Variants in CEP164 observed in about 807,000 individuals in gnomAD.
The protein encoded by CEP164 is centrosomal protein of 164 kDa.
Under a neutral mutation model 182.7 loss-of-function variants are expected in CEP164, and 162 were observed. The ratio of observed to expected loss-of-function variants is 0.89; its 90% CI spans 0.78 to 1.01. The LOEUF (loss-of-function observed/expected upper bound fraction) is 1.01. Among genes scored for constraint, CEP164 ranks in the 50% least tolerant of loss-of-function variants. CEP164 has a pLI of 0.00. For synonymous variants in CEP164, 661 were observed against 690.0 expected, an observed-to-expected ratio of 0.96 and a Z score of 0.66; for missense variants, 1,735 against 1,790.4, an observed-to-expected ratio of 0.97 and a Z score of 0.56.
rs763368191 is a variant in CEP164 at position 117,391,105 on chromosome 11, C to T, written c.2173C>T (p.Leu725Phe). 15 of 1,614,032 alleles carry T rather than the reference C, an allele frequency of 9.3e-6. No homozygotes were observed. The highest frequency in any genetic ancestry group is 1.3e-5 in the Non-Finnish European group (15 of 1,179,992). Residue 725 changes from leucine to phenylalanine, a missense_variant, in exon 17 of 33, where the codon CTC becomes TTC. Transcript: ENST00000278935. ...GAAAAATAGGCAAATGCTGGAGCAG[C>T]TCAAGGAAGAGATAGAGGCTTCGGA... ...EQKNRQMLEQLKEEIEASEKS... is the reference protein window; with the variant it reads ...EQKNRQMLEQFKEEIEASEKS...
rs1741381149 is a variant in CEP164 at position 117,361,998 on chromosome 11, G to A, written c.552+5G>A. ...CAGCTTGGAGAACTCATGCTGGTAA[G>A]TACGTTCTCTTGCGTTCAGTGTCTG... On this transcript the variant is annotated splice_donor_5th_base_variant and intron_variant, in intron 6 of 32. Coordinates refer to ENST00000278935, the MANE Select transcript of CEP164 (RefSeq NM_014956.5). The A allele has an allele frequency of 6.4e-7, 1 of 1,556,436 alleles. No homozygotes were observed. Among genetic ancestry groups the A allele is most frequent in the African/African-American group, 1.4e-5 (1 of 72,508 alleles).
chr11:117,370,966 C>G (rs967596429), intron 8 of CEP164, 114 bp from the exon 9 acceptor site: 1 of 1,122,424 alleles, frequency 8.9e-7, no homozygotes, highest in African/African-American at 1.6e-5. Flanking sequence ...TGGGGCAGAA[C>G]TCAGGCACTG....
chr11:117,398,953 T>C (rs1592423887), intron 27 of CEP164, among the ~76,000 whole-genome samples: 1 of 152,270 alleles, frequency 6.6e-6, no homozygotes, highest in African/African-American at 2.4e-5. Context: ...TAGCTTGAAT[T>C]TCTCCTCAAA....
Position 117,361,968 on chromosome 11 carries a change from G to A in CEP164, c.527G>A (p.Gly176Glu), listed in dbSNP as rs1272322282. Residue 176 changes from glycine to glutamate, a missense_variant, in exon 6 of 33, where the codon GGA becomes GAA. Transcript: ENST00000278935. ...SVSLGSSVES[G>E]RQLGELMLPS... ...AGCCTGGGGAGCTCAGTGGAGTCTGGACGTCAGCTTGGAGAACTCATGCTG... is the reference window on the plus strand; with the variant it reads ...AGCCTGGGGAGCTCAGTGGAGTCTGAACGTCAGCTTGGAGAACTCATGCTG... The A allele has an allele frequency of 2.5e-6, 4 of 1,586,728 alleles. No individual in the cohort carries two copies. Among genetic ancestry groups the A allele is most frequent in the Non-Finnish European group, 2.6e-6 (3 of 1,170,782 alleles).
intron 14 of CEP164, chr11:117,385,886 C>T (rs1410548226): frequency 6.6e-6 from 1 of 152,226 alleles, no homozygotes; most frequent in Non-Finnish European, 1.5e-5. Flanking sequence ...TATGGTAATT[C>T]AGAGATGACA....
chr11:117,369,603 C>T (rs1267534548), intron 8 of CEP164, among the ~76,000 whole-genome samples: 2 of 152,196 alleles, frequency 1.3e-5, no homozygotes, highest in African/African-American at 4.8e-5. Flanking sequence ...TGGACCTCTC[C>T]ACTCTCTAGT....
At chr11:117,407,219 G>A (rs1408192771) in intron 27 of CEP164, among the ~76,000 whole-genome samples, 1 of 152,092 alleles carries the variant, frequency 6.6e-6, no homozygotes, top group Non-Finnish European at 1.5e-5. Flanking sequence ...CAGACAGAGG[G>A]GCAGCTTCCC....
At chr11:117,353,639 G>C (rs2135483305) in intron 5 of CEP164, among the ~76,000 whole-genome samples, 1 of 152,264 alleles carries the variant, frequency 6.6e-6, no homozygotes, top group South Asian at 2.1e-4. Context: ...GGACAGCCCT[G>C]GGCTGTCAGT....
intron 9 of CEP164, among the ~76,000 whole-genome samples, chr11:117,372,664 G>A (rs968600288): frequency 6.6e-6 from 1 of 152,154 alleles, no homozygotes; most frequent in Non-Finnish European, 1.5e-5. Context: ...TGATCTGCCC[G>A]CCTTGGCCTC....
chr11:117,325,204 C>G (rs893097098), upstream of CEP164, among the ~76,000 whole-genome samples: 5 of 152,134 alleles, frequency 3.3e-5, no homozygotes, highest in African/African-American at 1.2e-4. Flanking sequence ...CCTGCCTCAG[C>G]CTCCCAAGTA....
At chr11:117,332,692 G>C (rs1450985021) in intron 1 of CEP164, among the ~76,000 whole-genome samples, 1 of 152,204 alleles carries the variant, frequency 6.6e-6, no homozygotes, top group Non-Finnish European at 1.5e-5. Context: ...GATAAAATTG[G>C]CTGGGAAGGC....
chr11:117,331,445 G>T (rs953779132), intron 1 of CEP164, among the ~76,000 whole-genome samples: 1 of 152,108 alleles, frequency 6.6e-6, no homozygotes, highest in Non-Finnish European at 1.5e-5. Context: ...CTGTATACAG[G>T]GACTGTGCTA....
chr11:117,383,008 C>T, intron 14 of CEP164, 66 bp downstream of exon 14: 1 of 1,548,594 alleles, frequency 6.5e-7, no homozygotes, highest in South Asian at 1.2e-5. Flanking sequence ...AGTGCCTATT[C>T]ACTCTTGGGT....
Position 117,363,494 on chromosome 11 carries a change from CTT to C in CEP164, c.755_756del (p.Phe252Ter), listed in dbSNP as rs2041249605. ...TGGACATTGGGGCACTGGGGGGTGA[CTT>C]TGAGTATGAGGTAAGAGCCCTAATC... ...HLDIGALGGD[F>X]EYEESLRTSQ... On this transcript the variant is annotated frameshift_variant, in exon 8 of 33. Coordinates refer to ENST00000278935, the MANE Select transcript of CEP164 (RefSeq NM_014956.5). LOFTEE classifies it high-confidence loss of function. The C allele has an allele frequency of 6.2e-7, 1 of 1,613,416 alleles. No individual in the cohort carries two copies. Among genetic ancestry groups the C allele is most frequent in the East Asian group, 2.2e-5 (1 of 44,876 alleles).
intron 27 of CEP164, 77 bp from the exon 28 acceptor site, chr11:117,407,848 A>T: frequency 1.0e-6 from 1 of 1,002,372 alleles, no homozygotes; most frequent in Non-Finnish European, 1.5e-6. Context: ...AAGATCACCC[A>T]GTCAGCAAAT....
chr11:117,363,705 A>G (rs993943625), intron 8 of CEP164, among the ~76,000 whole-genome samples, 199 bp downstream of exon 8: 3 of 151,832 alleles, frequency 2.0e-5, no homozygotes, highest in Admixed American at 6.6e-5. Context: ...CCTGCCTCTA[A>G]ACAAACAAAC....
chr11:117,382,338 C>G (rs546636727), intron 13 of CEP164, among the ~76,000 whole-genome samples: 2 of 152,160 alleles, frequency 1.3e-5, no homozygotes, highest in Non-Finnish European at 2.9e-5. Context: ...GTTATGTGCT[C>G]GGCCCAGGGA....
At chr11:117,390,636 CAAAAAGAAAAAAAAAA>C (rs2044522580) in intron 15 of CEP164, 125 bp from the exon 16 acceptor site, 5 of 1,158,214 alleles carry the variant, frequency 4.3e-6, no homozygotes. Context: ...AACCTGTCTC[CAAAAAGAAAAAAAAAA>C]AAAAAGATTT....
At chr11:117,339,511 CTTTGTTT>C (rs537187864) in intron 3 of CEP164, among the ~76,000 whole-genome samples, 8,360 of 118,084 alleles carry the variant, frequency 0.071, 290 homozygotes, top group South Asian at 0.086. Flanking sequence ...TTACCTTTTC[CTTTGTTT>C]TTTGTTTTTT....
Sources: gnomAD v4.1 joint callset for allele counts (sites outside exome capture counted in the v4.1 genomes callset) on GRCh38, gnomAD v4.1.1 for gene constraint, MANE v1.5 for transcripts, NCBI Gene and HGNC (gene_info 2026-07-23, HGNC 2026-07-21) for gene names.